EIF2B3: variants seen among roughly 807,000 people sequenced by gnomAD.
EIF2B3 encodes the protein eukaryotic translation initiation factor 2B subunit gamma.
In EIF2B3, 20 loss-of-function variants were observed where a neutral mutation model predicts 54.1. The observed-to-expected ratio is 0.37, with a 90% CI of 0.26 to 0.54. EIF2B3 has a LOEUF of 0.54. EIF2B3 is among the 20% of genes least tolerant of loss of function. The pLI is 0.86. For synonymous variants in EIF2B3, 153 were observed against 188.1 expected, an observed-to-expected ratio of 0.81 and a Z score of 1.52; for missense variants, 448 against 547.8, an observed-to-expected ratio of 0.82 and a Z score of 1.82.
rs1655414369 is a variant in EIF2B3, at chr1:44,881,888, GT to G, written c.657-150del. 6 of 1,064,968 alleles carry G rather than the reference GT, an allele frequency of 5.6e-6. No individual in the cohort carries two copies. In the East Asian group the frequency reaches 1.6e-4, roughly 29 times the overall value. 66.0% of individuals were successfully genotyped at this position (1,064,968 alleles called of 1,614,324 possible). A position where few individuals can be genotyped will look rare whatever the true frequency, so the allele number is the denominator to read the frequency against. On this transcript the variant is annotated intron_variant, in intron 6 of 11. Coordinates refer to ENST00000360403, the MANE Select transcript of EIF2B3 (RefSeq NM_020365.5). The surrounding 1 kb of genome is among the most constrained non-coding windows in gnomAD (Gnocchi z 4.0). ...GATCAAATGTGGCATTGACTTGGCA[GT>G]TCGGAGAAGCAGAGTGCTTCCTGGT...
At chr1:44,975,599 C>A (rs562133812) in intron 3 of EIF2B3, among the ~76,000 whole-genome samples, 1 of 152,226 alleles carries the variant, frequency 6.6e-6, no homozygotes, top group Admixed American at 6.5e-5. Context: ...ACATATGTGG[C>A]CAGTCATTGA....
chr1:44,948,452 T>C (rs1230244688), intron 3 of EIF2B3, among the ~76,000 whole-genome samples: 1 of 152,064 alleles, frequency 6.6e-6, no homozygotes, highest in Admixed American at 6.6e-5. Context: ...ATACTCTAAT[T>C]TCTACTGCAT....
At chr1:44,870,795 G>C (rs989822677) in intron 10 of EIF2B3, among the ~76,000 whole-genome samples, 14 of 151,986 alleles carry the variant, frequency 9.2e-5, no homozygotes, top group African/African-American at 3.1e-4. Context: ...TGGTATTACA[G>C]GTGTGTGCCA....
intron 5 of EIF2B3, among the ~76,000 whole-genome samples, chr1:44,921,087 C>A (rs72676536): frequency 0.17 from 25,856 of 152,160 alleles, 2,303 homozygotes; most frequent in Non-Finnish European, 0.18. Flanking sequence ...AGGCATTTTA[C>A]CTAAGGTGAG....
chr1:44,918,543 C>T (rs945420581), intron 5 of EIF2B3, among the ~76,000 whole-genome samples: 3 of 152,112 alleles, frequency 2.0e-5, no homozygotes, highest in African/African-American at 7.2e-5. Context: ...GTGCACACCA[C>T]CACACCCGGC....
chr1:44,861,636 G>A (rs1654611611), intron 10 of EIF2B3, among the ~76,000 whole-genome samples: 1 of 152,154 alleles, frequency 6.6e-6, no homozygotes, highest in African/African-American at 2.4e-5. Flanking sequence ...GGATCTGATT[G>A]GGGTCTTCAG....
chr1:44,953,666 G>A (rs1644193369), intron 3 of EIF2B3, among the ~76,000 whole-genome samples: 1 of 152,142 alleles, frequency 6.6e-6, no homozygotes, highest in Non-Finnish European at 1.5e-5. Flanking sequence ...GGTGGTGTGT[G>A]CCTGTAGTCC....
intron 3 of EIF2B3, among the ~76,000 whole-genome samples, chr1:44,965,931 T>A (rs1644333646): frequency 6.6e-6 from 1 of 151,746 alleles, no homozygotes; most frequent in Admixed American, 6.6e-5. Context: ...TGAGCCACCA[T>A]GCCTGGCCAA....
intron 7 of EIF2B3, 43 bp from the exon 8 acceptor site, chr1:44,880,051 A>C: frequency 1.3e-6 from 2 of 1,591,686 alleles, no homozygotes; most frequent in East Asian, 2.2e-5. Flanking sequence ...TGAGAGAGAG[A>C]TAACAGAACA....
At chr1:44,916,808 C>T (rs553191729) in intron 5 of EIF2B3, among the ~76,000 whole-genome samples, 13 of 132,892 alleles carry the variant, frequency 9.8e-5, no homozygotes, top group African/African-American at 3.1e-4. Context: ...AAGATTCTGT[C>T]GCAAAAAAAA....
intron 3 of EIF2B3, among the ~76,000 whole-genome samples, chr1:44,964,677 G>A (rs1200668859): frequency 6.6e-6 from 1 of 152,194 alleles, no homozygotes; most frequent in Non-Finnish European, 1.5e-5. Context: ...AACGACTAGT[G>A]TGTTGGTATT....
chr1:44,862,088 C>A (rs1654624698), intron 10 of EIF2B3, among the ~76,000 whole-genome samples: 1 of 152,208 alleles, frequency 6.6e-6, no homozygotes, highest in Non-Finnish European at 1.5e-5. Context: ...GCAGCAAGGA[C>A]TCTGTCTTTT....
intron 3 of EIF2B3, among the ~76,000 whole-genome samples, chr1:44,961,793 G>A (rs1644287381): frequency 6.6e-6 from 1 of 152,110 alleles, no homozygotes; most frequent in Non-Finnish European, 1.5e-5. Flanking sequence ...AACTTCCAAG[G>A]TCACATAGCT....
chr1:44,958,664 T>C, intron 3 of EIF2B3: 3 of 1,593,792 alleles, frequency 1.9e-6, no homozygotes, highest in Non-Finnish European at 2.6e-6. Flanking sequence ...GTGATCAGCA[T>C]GGCAGTGGTG....
At chr1:44,934,448 T>C (rs879776631) in intron 4 of EIF2B3, among the ~76,000 whole-genome samples, 48 of 152,242 alleles carry the variant, frequency 3.2e-4, no homozygotes, top group Admixed American at 3.0e-3. Flanking sequence ...TGTAGGAATT[T>C]CAAGTCACTT....
chr1:44,869,410 G>A (rs144985935), intron 10 of EIF2B3, among the ~76,000 whole-genome samples: 1,779 of 151,348 alleles, frequency 0.012, 34 homozygotes, highest in Admixed American at 0.041. Flanking sequence ...CTTGGGAGGC[G>A]GAGGTTGCAG....
chr1:44,917,800 G>A (rs1018225492), intron 5 of EIF2B3, among the ~76,000 whole-genome samples: 9 of 93,580 alleles, frequency 9.6e-5, no homozygotes, highest in Admixed American at 1.8e-4. Flanking sequence ...TTGAGACGGA[G>A]TCTTCCTCTG....
chr1:44,860,175 G>C (rs1654565118), intron 10 of EIF2B3, among the ~76,000 whole-genome samples: 1 of 145,854 alleles, frequency 6.9e-6, no homozygotes, highest in African/African-American at 2.5e-5. Flanking sequence ...TTTGAGACAA[G>C]GTCTCACTTT....
At chr1:44,905,052 C>T (rs1373052428) in intron 5 of EIF2B3, among the ~76,000 whole-genome samples, 2 of 152,190 alleles carry the variant, frequency 1.3e-5, no homozygotes, top group African/African-American at 4.8e-5. Context: ...GTGTGGCTAT[C>T]TGGTATTTGC....
Sources: gnomAD v4.1 joint callset for allele counts (sites outside exome capture counted in the v4.1 genomes callset) on GRCh38, gnomAD v4.1.1 for gene constraint, Gnocchi (gnomAD v3.1) non-coding constraint, MANE v1.5 for transcripts, NCBI Gene and HGNC (gene_info 2026-07-23, HGNC 2026-07-21) for gene names.